The following SLC35F3 variants were observed in gnomAD, a reference collection of about 807,000 sequenced individuals.
SLC35F3 encodes solute carrier family 35 member F3.
In SLC35F3, 25 loss-of-function variants were observed where a neutral mutation model predicts 49.9. The observed-to-expected ratio is 0.50, with a 90% confidence interval of 0.37 to 0.70. The LOEUF is 0.70. SLC35F3 is among the 30% of genes least tolerant of loss of function. The probability of loss-of-function intolerance (pLI) is 0.00; values close to 1 mark genes in which losing one functional copy is unlikely to be tolerated. For missense variants in SLC35F3, 525 were observed against 639.8 expected (o/e 0.82, Z 1.94); for synonymous variants, 275 against 265.4 (o/e 1.04, Z -0.35).
intron 2 of SLC35F3, among the ~76,000 whole-genome samples, chr1:233,988,136 A>C (rs899112345): frequency 3.9e-5 from 6 of 152,136 alleles, no homozygotes; most frequent in African/African-American, 1.4e-4. Context: ...TGAGAACACG[A>C]GTGGTATTTA....
intron 3 of SLC35F3, among the ~76,000 whole-genome samples, chr1:234,240,060 A>C (rs908986490): frequency 6.6e-6 from 1 of 152,192 alleles, no homozygotes; most frequent in Non-Finnish European, 1.5e-5. Context: ...TTGACTCCTA[A>C]CGTGGATACC....
chr1:233,963,331 C>T (rs1455241669), intron 2 of SLC35F3, among the ~76,000 whole-genome samples: 5 of 149,372 alleles, frequency 3.3e-5, no homozygotes, highest in African/African-American at 9.9e-5. Flanking sequence ...GATGGAGTCT[C>T]GCTCTGTCGC....
At chr1:234,095,465 G>T (rs1023124799) in intron 2 of SLC35F3, among the ~76,000 whole-genome samples, 2 of 152,192 alleles carry the variant, frequency 1.3e-5, no homozygotes, top group African/African-American at 2.4e-5. Flanking sequence ...TGGGAAGAGG[G>T]ATGGATTCGA....
At chr1:234,123,058 T>G (rs1309191772) in intron 2 of SLC35F3, among the ~76,000 whole-genome samples, 5 of 152,216 alleles carry the variant, frequency 3.3e-5, no homozygotes, top group Non-Finnish European at 7.3e-5. Context: ...TCTTCCACAG[T>G]GGTTGAACTA....
intron 2 of SLC35F3, among the ~76,000 whole-genome samples, chr1:234,105,811 C>G (rs1010504598): frequency 3.9e-5 from 6 of 152,196 alleles, no homozygotes; most frequent in African/African-American, 1.4e-4. Flanking sequence ...CCATTGCTAT[C>G]GGGACTGGAC....
intron 2 of SLC35F3, among the ~76,000 whole-genome samples, chr1:234,098,241 A>T (rs1399479615): frequency 7.5e-6 from 1 of 133,014 alleles, no homozygotes; most frequent in Non-Finnish European, 1.6e-5. Flanking sequence ...TAGGGTGATG[A>T]TGGAGGTGGT....
chr1:234,309,368 C>A (rs535921872), intron 4 of SLC35F3, 48 bp downstream of exon 4: 25 of 1,538,944 alleles, frequency 1.6e-5, no homozygotes, highest in Admixed American at 5.1e-5. Flanking sequence ...TCATGTCAAC[C>A]AAAACCTGCC....
At chr1:234,155,329 A>G (rs1197032130) in intron 2 of SLC35F3, among the ~76,000 whole-genome samples, 1 of 152,088 alleles carries the variant, frequency 6.6e-6, no homozygotes, top group Non-Finnish European at 1.5e-5. Context: ...CTGGTTTCTT[A>G]GCCCCTTCTT....
chr1:234,297,588 T>C (rs1474132997), intron 3 of SLC35F3, among the ~76,000 whole-genome samples: 2 of 152,044 alleles, frequency 1.3e-5, no homozygotes, highest in East Asian at 3.9e-4. Flanking sequence ...GTTAAAATAG[T>C]TAAGCTTGGG....
At chr1:234,060,417 C>T (rs533275468) in intron 2 of SLC35F3, among the ~76,000 whole-genome samples, 276 of 152,182 alleles carry the variant, frequency 1.8e-3, no homozygotes, top group Non-Finnish European at 3.3e-3. Flanking sequence ...TTGCAGTGAG[C>T]GATAGGAATG....
intron 2 of SLC35F3, among the ~76,000 whole-genome samples, chr1:234,125,117 T>A (rs1327114073): frequency 6.6e-6 from 1 of 152,054 alleles, no homozygotes; most frequent in African/African-American, 2.4e-5. Flanking sequence ...TGTGTCACCA[T>A]CCTATCCCGC....
At chr1:234,105,327 C>T (rs1665269938) in intron 2 of SLC35F3, among the ~76,000 whole-genome samples, 1 of 152,092 alleles carries the variant, frequency 6.6e-6, no homozygotes, top group African/African-American at 2.4e-5. Flanking sequence ...GGAAGCTGCT[C>T]CCAAGAAGTG....
chr1:233,913,833 T>C (rs754415107), intron 2 of SLC35F3, among the ~76,000 whole-genome samples: 4 of 152,350 alleles, frequency 2.6e-5, no homozygotes, highest in Non-Finnish European at 2.9e-5. Flanking sequence ...TCCTAGAACT[T>C]ACATTATCCA....
intron 2 of SLC35F3, among the ~76,000 whole-genome samples, chr1:234,119,020 G>T (rs1665534706): frequency 1.3e-5 from 2 of 152,018 alleles, no homozygotes; most frequent in South Asian, 4.1e-4. Context: ...CAGATCAAGA[G>T]AGCTGGCAGG....
intron 2 of SLC35F3, among the ~76,000 whole-genome samples, chr1:234,058,328 ATTTT>A (rs56960667): frequency 5.0e-5 from 2 of 39,790 alleles, no homozygotes; most frequent in African/African-American, 1.4e-4. Context: ...ATGTTCCTGA[ATTTT>A]TTTTTTTTTT....
chr1:233,936,218 G>A (rs78431064), intron 2 of SLC35F3, among the ~76,000 whole-genome samples: 90 of 152,306 alleles, frequency 5.9e-4, no homozygotes, highest in African/African-American at 2.1e-3. Context: ...TTGCAGGTTA[G>A]CCTAGTGAAG....
At chr1:233,968,252 T>C (rs1422605299) in intron 2 of SLC35F3, among the ~76,000 whole-genome samples, 2 of 152,218 alleles carry the variant, frequency 1.3e-5, no homozygotes, top group Non-Finnish European at 2.9e-5. Context: ...TTCACATGGC[T>C]GACTTCTTAT....
At chr1:233,918,339 G>T (rs1937265) in intron 2 of SLC35F3, among the ~76,000 whole-genome samples, 3,825 of 152,330 alleles carry the variant, frequency 0.025, 147 homozygotes, top group African/African-American at 0.087. Flanking sequence ...TGTGATAACA[G>T]TTATCTTATG....
intron 2 of SLC35F3, among the ~76,000 whole-genome samples, chr1:233,948,472 C>G (rs1007183007): frequency 6.6e-6 from 1 of 151,898 alleles, no homozygotes; most frequent in South Asian, 2.1e-4. Flanking sequence ...AACAGTTAAA[C>G]CACAAGGCTA....
Sources: allele counts gnomAD v4.1 joint callset (sites outside exome capture counted in the v4.1 genomes callset), GRCh38; gene constraint gnomAD v4.1.1; transcripts MANE v1.5; gene names NCBI Gene and HGNC (gene_info 2026-07-23, HGNC 2026-07-21).